The following LIMS2 variants were observed in gnomAD, a reference collection of about 807,000 sequenced individuals.
LIMS2 encodes LIM and senescent cell antigen-like-containing domain protein 2.
LIMS2 carries 30 observed loss-of-function variants against 45.3 expected under a neutral mutation model. The ratio of observed to expected loss-of-function variants is 0.66; its 90% confidence interval spans 0.50 to 0.90. The LOEUF (loss-of-function observed/expected upper bound fraction) is 0.90, where lower values mean the gene tolerates loss of function less well. Ranked by LOEUF, LIMS2 falls within the 40% of genes least tolerant of loss-of-function variation. The pLI, the probability that LIMS2 is intolerant of heterozygous loss-of-function variation, is 0.00. For missense variants in LIMS2, 485 were observed against 468.7 expected (o/e 1.03, Z -0.32); for synonymous variants, 173 against 188.0 (o/e 0.92, Z 0.65).
chr2:127,651,493 T>C lies in LIMS2; in HGVS notation c.359+2931A>G, dbSNP rs751418780. 4.3e-6 allele frequency: 7 copies of C among 1,612,826 alleles called. No individual in the cohort carries two copies. In the East Asian group the frequency reaches 1.1e-4, roughly 26 times the overall value. On this transcript the variant is annotated intron_variant, in intron 4 of 9. Coordinates refer to ENST00000355119, the MANE Select transcript of LIMS2 (RefSeq NM_001161403.3). ...CTGGTCTGCTTCGTGCCCTACCACG[T>C]CAACCGCTCCGTCTACGTGCTGCAC...
Position 127,647,383 on chromosome 2 carries a change from T to C in LIMS2, c.360-4311A>G, listed in dbSNP as rs569305326. Among the ~76,000 whole-genome samples, 270 of 152,098 alleles carry C rather than the reference T, an allele frequency of 1.8e-3. 1 individual carries two copies. The highest frequency in any genetic ancestry group is 6.2e-3 in the African/African-American group (258 of 41,500). ...CAGCTCCAGGGCCAATGTCCCCTGG[T>C]CAAGTGACCTAAGACAAGTTAGCAG... On this transcript the variant is annotated intron_variant, in intron 4 of 9. Transcript: ENST00000355119. The surrounding 1 kb of genome is among the most constrained non-coding windows in gnomAD (Gnocchi z 4.3).
At chr2:127,650,823 G>A (rs1262378811) in intron 4 of LIMS2, 1 of 1,613,922 alleles carries the variant, frequency 6.2e-7, no homozygotes, top group African/African-American at 1.3e-5. Flanking sequence ...GACGCCACTG[G>A]AGAACATGCT....
In LIMS2 at chr2:127,642,857, C is replaced by T. The variant is rs144227096; in HGVS notation, c.509+66G>A. ...ACACTTCCCCAGGTGGAGGCCCCAC[C>T]GCCCTTACCCTGGGCCAGCCCTGGC... On this transcript the variant is annotated intron_variant, in intron 5 of 9. Coordinates refer to ENST00000355119, the MANE Select transcript of LIMS2 (RefSeq NM_001161403.3). The surrounding 1 kb of genome is among the most constrained non-coding windows in gnomAD (Gnocchi z 5.3). 2.4e-4 allele frequency: 358 copies of T among 1,508,792 alleles called. 3 individuals carry two copies. In the East Asian group the frequency reaches 8.2e-3, roughly 35 times the overall value. The allele number at this position is 1,508,792 out of a possible 1,614,324, so 93.5% of individuals were successfully genotyped here.
intron 4 of LIMS2, chr2:127,643,586 A>G (rs1454896418): frequency 2.2e-6 from 1 of 456,658 alleles, no homozygotes; most frequent in Non-Finnish European, 4.4e-6. Context: ...TGTCAGATGG[A>G]GGCCCCCAAA....
intron 2 of LIMS2, chr2:127,655,222 G>T: frequency 2.2e-6 from 1 of 459,918 alleles, no homozygotes; most frequent in South Asian, 2.1e-5. Flanking sequence ...AGCCAGGAGG[G>T]ATGAGATCCA....
chr2:127,668,668 C>CAAAA (rs70985469), intron 1 of LIMS2, among the ~76,000 whole-genome samples: 231 of 17,246 alleles, frequency 0.013, 45 homozygotes, highest in Non-Finnish European at 0.019. Flanking sequence ...GACTCCGTCT[C>CAAAA]AAAAAAAAAA....
chr2:127,661,180 C>G (rs1684628792), intron 1 of LIMS2, among the ~76,000 whole-genome samples: 1 of 151,930 alleles, frequency 6.6e-6, no homozygotes, highest in African/African-American at 2.4e-5. Context: ...CCCAGCCGCT[C>G]AGCTCTACAC....
In LIMS2 at chr2:127,643,138, A is replaced by G. The variant is rs1682608415; in HGVS notation, c.360-66T>C. 11 of 1,498,514 alleles carry G rather than the reference A, an allele frequency of 7.3e-6. No homozygotes were observed. In the South Asian group the frequency reaches 1.4e-4, roughly 19 times the overall value. The allele number at this position is 1,498,514 out of a possible 1,614,324, so 92.8% of individuals were successfully genotyped here. A position where few individuals can be genotyped will look rare whatever the true frequency, so the allele number is the denominator to read the frequency against. Reference sequence around the variant, plus strand: ...CACACAGCCTGGCCACCTCCAGGAGAAGAGAGGCCAGACCCCTGCAACTTC... The same window carrying G: ...CACACAGCCTGGCCACCTCCAGGAGGAGAGAGGCCAGACCCCTGCAACTTC... On this transcript the variant is annotated intron_variant, in intron 4 of 9. Transcript: ENST00000355119.
upstream of LIMS2, among the ~76,000 whole-genome samples, chr2:127,676,611 T>A (rs904342934): frequency 2.6e-5 from 4 of 152,244 alleles, no homozygotes; most frequent in African/African-American, 9.6e-5. Context: ...GGTTTCACCA[T>A]GTTGGTCAGG....
rs931005308 is a variant in LIMS2, at chr2:127,647,055, C to T, written c.360-3983G>A. On this transcript the variant is annotated intron_variant, in intron 4 of 9. Transcript: ENST00000355119. This position sits in a 1 kb window ranked among gnomAD's most constrained non-coding sequence, Gnocchi z 4.3. ...GGAGGGCAGTGCCCAGGCTGAGGCC[C>T]CCGGGCTGGAGGCAGGAGGCACCAC... Among the ~76,000 whole-genome samples, 1 of 152,212 alleles carries T rather than the reference C, an allele frequency of 6.6e-6. No individual in the cohort carries two copies. The highest frequency in any genetic ancestry group is 1.5e-5 in the Non-Finnish European group (1 of 68,042).
At chr2:127,643,389 T>C (rs953806882) in intron 4 of LIMS2, 8 of 489,710 alleles carry the variant, frequency 1.6e-5, no homozygotes, top group Non-Finnish European at 2.4e-5. Flanking sequence ...TTAATTGATA[T>C]CTGCTGAAAG....
rs79110686 is a variant in LIMS2 at position 127,664,255 on chromosome 2, G to A, written c.12-6693C>T. The A allele has an allele frequency of 0.46, 561,115 of 1,217,352 alleles. 136,308 individuals carry two copies. The highest frequency in any genetic ancestry group is 0.64 in the East Asian group (19,217 of 30,238). 75.4% of individuals were successfully genotyped at this position (1,217,352 alleles called of 1,614,324 possible). A position where few individuals can be genotyped will look rare whatever the true frequency, so the allele number is the denominator to read the frequency against. Reference sequence around the variant, plus strand: ...CCGAGGGAAGGCCTGCCCTGCCGCCGCAGCTTTCCGGCCATTGTCCCCGCC... The same window carrying A: ...CCGAGGGAAGGCCTGCCCTGCCGCCACAGCTTTCCGGCCATTGTCCCCGCC... On this transcript the variant is annotated intron_variant, in intron 1 of 9. Transcript: ENST00000355119. This position sits in a 1 kb window ranked among gnomAD's most constrained non-coding sequence, Gnocchi z 5.5.
At position 127,642,218 on chromosome 2, in the gene LIMS2, C is replaced by T. The variant is rs371948120; in HGVS notation, c.510-19G>A. ...CTCCTTCCTGGAAGACAGCGTGCAG[C>T]CCCCAGGTGCCACCCCTGCCCTTCT... is the stretch of plus-strand genomic sequence containing the variant. On this transcript the variant is annotated intron_variant, in intron 5 of 9. Transcript: ENST00000355119. This position sits in a 1 kb window ranked among gnomAD's most constrained non-coding sequence, Gnocchi z 5.3. 2.3e-5 allele frequency: 35 copies of T among 1,510,712 alleles called. No homozygotes were observed. The African/African-American group carries it at 4.1e-4, about 18-fold the overall frequency. 93.6% of individuals were successfully genotyped at this position (1,510,712 alleles called of 1,614,324 possible).
Position 127,642,356 on chromosome 2 carries a change from C to T in LIMS2, c.510-157G>A. On this transcript the variant is annotated intron_variant, in intron 5 of 9. Coordinates refer to ENST00000355119, the MANE Select transcript of LIMS2 (RefSeq NM_001161403.3). The surrounding 1 kb of genome is among the most constrained non-coding windows in gnomAD (Gnocchi z 5.3). ...TTCTGATCTCTGGGCACTTTGAAGA[C>T]TTCCTGTGCCCCAGACAGGCCCTGG... 2.5e-6 allele frequency: 2 copies of T among 792,878 alleles called. No homozygotes were observed. The highest frequency in any genetic ancestry group is 3.8e-4 in the Middle Eastern group (1 of 2,612). 49.1% of individuals were successfully genotyped at this position (792,878 alleles called of 1,614,324 possible).
Position 127,642,681 on chromosome 2 carries a change from C to G in LIMS2, c.509+242G>C. On this transcript the variant is annotated intron_variant, in intron 5 of 9. Transcript: ENST00000355119. The surrounding 1 kb of genome is among the most constrained non-coding windows in gnomAD (Gnocchi z 5.3). Reference sequence around the variant, plus strand: ...CTGCAGTCTAGGGGTCCAGCCCACCCGCCTCCTGAGTCTCAAGTGCCCCCC... The same window carrying G: ...CTGCAGTCTAGGGGTCCAGCCCACCGGCCTCCTGAGTCTCAAGTGCCCCCC... 1 of 541,566 alleles carries G rather than the reference C, an allele frequency of 1.8e-6. No individual in the cohort carries two copies. The highest frequency in any genetic ancestry group is 4.9e-4 in the Middle Eastern group (1 of 2,036). 33.5% of individuals were successfully genotyped at this position (541,566 alleles called of 1,614,324 possible).
At position 127,654,820 on chromosome 2, in the gene LIMS2, C is replaced by T. The variant is rs759088862; in HGVS notation, c.238+10G>A. On this transcript the variant is annotated intron_variant, in intron 3 of 9. Coordinates refer to ENST00000355119, the MANE Select transcript of LIMS2 (RefSeq NM_001161403.3). The stretch of plus-strand genomic sequence containing the variant: ...AGGCAGCCCAGGATGTGTACTGTCA[C>T]CGGCCTTACCGCAGGATCCACAGCA... 1.2e-6 allele frequency: 2 copies of T among 1,613,940 alleles called. No homozygotes were observed.
chr2:127,676,308 T>C (rs1685497791), upstream of LIMS2, among the ~76,000 whole-genome samples: 1 of 151,954 alleles, frequency 6.6e-6, no homozygotes, highest in African/African-American at 2.4e-5. Context: ...TTCAGAAAGA[T>C]GAGTTGATAG....
chr2:127,638,947 G>T lies in LIMS2; in HGVS notation c.*334C>A. 1 of 306,428 alleles carries T rather than the reference G, an allele frequency of 3.3e-6. No homozygotes were observed. Among genetic ancestry groups the T allele is most frequent in the African/African-American group, 2.2e-5 (1 of 45,896 alleles). The allele number at this position is 306,428 out of a possible 1,614,324, so 19.0% of individuals were successfully genotyped here. Reference sequence around the variant, plus strand: ...ATGAGCCACTGAGCCGCCTGGGGAGGGCCAGGCCAGGCGGGGAGCTGTGGT... The same window carrying T: ...ATGAGCCACTGAGCCGCCTGGGGAGTGCCAGGCCAGGCGGGGAGCTGTGGT... On this transcript the variant is annotated 3_prime_UTR_variant, in exon 10 of 10. Coordinates refer to ENST00000355119, the MANE Select transcript of LIMS2 (RefSeq NM_001161403.3).
At chr2:127,650,996 C>T in intron 4 of LIMS2, 3 of 1,613,820 alleles carry the variant, frequency 1.9e-6, no homozygotes, top group Non-Finnish European at 2.5e-6. Flanking sequence ...TGCCCACCCG[C>T]CTGGTCTACC....
Sources: gnomAD v4.1 joint callset for allele counts (sites outside exome capture counted in the v4.1 genomes callset) on GRCh38, gnomAD v4.1.1 for gene constraint, Gnocchi (gnomAD v3.1) non-coding constraint, MANE v1.5 for transcripts, NCBI Gene and HGNC (gene_info 2026-07-23, HGNC 2026-07-21) for gene names.